EYS: variants seen among roughly 807,000 people sequenced by gnomAD.
The protein encoded by EYS is protein eyes shut homolog.
In EYS, 250 loss-of-function variants were observed where a neutral mutation model predicts 282.1. The observed-to-expected ratio is 0.89, with a 90% CI of 0.80 to 0.98. The LOEUF (loss-of-function observed/expected upper bound fraction) is 0.98, where lower values mean the gene tolerates loss of function less well. Among genes scored for constraint, EYS ranks in the 50% least tolerant of loss-of-function variants. The pLI is 0.00. For synonymous variants in EYS, 1,355 were observed against 1,282.9 expected, an observed-to-expected ratio of 1.06 and a Z score of -1.20; for missense variants, 4,016 against 3,709.0, an observed-to-expected ratio of 1.08 and a Z score of -2.15.
chr6:64,458,881 A>G (rs1037421503), intron 26 of EYS, among the ~76,000 whole-genome samples: 13 of 152,296 alleles, frequency 8.5e-5, no homozygotes, highest in African/African-American at 3.1e-4. Flanking sequence ...ATCAAGGCAC[A>G]TATTTTTTAA....
intron 23 of EYS, among the ~76,000 whole-genome samples, chr6:64,622,290 A>G (rs778044378): frequency 1.3e-5 from 2 of 152,162 alleles, no homozygotes; most frequent in Non-Finnish European, 2.9e-5. Flanking sequence ...TGGCCCTGTC[A>G]TGACTGGACA....
chr6:63,961,635 T>G (rs1285709158), intron 35 of EYS, among the ~76,000 whole-genome samples: 2 of 152,196 alleles, frequency 1.3e-5, no homozygotes, highest in Non-Finnish European at 2.9e-5. Flanking sequence ...AAAGCCTGTT[T>G]GGTGGTCTCT....
chr6:64,451,258 G>A (rs1264148046), intron 26 of EYS, among the ~76,000 whole-genome samples: 2 of 152,136 alleles, frequency 1.3e-5, no homozygotes, highest in Admixed American at 6.5e-5. Flanking sequence ...AGAAAATCTA[G>A]AAGAAATGGA....
chr6:64,151,317 TTA>T (rs61575285), intron 31 of EYS, among the ~76,000 whole-genome samples: 5,183 of 51,972 alleles, frequency 0.1, 78 homozygotes, highest in Non-Finnish European at 0.12. Context: ...GTGTGTATAT[TTA>T]TATATATATA....
intron 36 of EYS, among the ~76,000 whole-genome samples, chr6:63,813,927 C>A (rs988096346): frequency 6.6e-6 from 1 of 152,188 alleles, no homozygotes; most frequent in East Asian, 1.9e-4. Context: ...AATTAATCTA[C>A]CCTTAGGCAG....
intron 12 of EYS, among the ~76,000 whole-genome samples, chr6:65,090,394 G>A (rs758568082): frequency 4.6e-5 from 7 of 152,122 alleles, no homozygotes; most frequent in East Asian, 1.9e-4. Flanking sequence ...CACCTGCCAT[G>A]CAGAACTGTG....
chr6:65,607,576 T>G (rs879649317), intron 2 of EYS, among the ~76,000 whole-genome samples: 1 of 151,958 alleles, frequency 6.6e-6, no homozygotes, highest in East Asian at 1.9e-4. Context: ...AAATAAATAC[T>G]TTTATTTTTA....
At chr6:65,215,763 T>C (rs1485919051) in intron 12 of EYS, among the ~76,000 whole-genome samples, 1 of 152,178 alleles carries the variant, frequency 6.6e-6, no homozygotes, top group African/African-American at 2.4e-5. Flanking sequence ...CTCTTTAGCA[T>C]TCAGCAACCA....
Position 64,912,386 on chromosome 6 carries a change from C to CATCCCATAGGCA in EYS, c.2641+97_2641+98insTGCCTATGGGAT, listed in dbSNP as rs1768026809. On this transcript the variant is annotated intron_variant, in intron 16 of 42. Transcript: ENST00000503581. Reference sequence around the variant, plus strand: ...TACCCACAATGTACATAGGATTTTTCCAACCCATTTTAGGAGGCCATCATC... The same window carrying CATCCCATAGGCA: ...TACCCACAATGTACATAGGATTTTTCATCCCATAGGCACAACCCATTTTAGGAGGCCATCATC... 5 of 1,085,608 alleles carry CATCCCATAGGCA rather than the reference C, an allele frequency of 4.6e-6. No homozygotes were observed. The East Asian group carries it at 1.3e-4, about 28-fold the overall frequency. The allele number at this position is 1,085,608 out of a possible 1,614,324, so 67.2% of individuals were successfully genotyped here.
intron 11 of EYS, 59 bp downstream of exon 11, chr6:65,334,917 ACTAT>A: frequency 6.8e-7 from 1 of 1,463,512 alleles, no homozygotes; most frequent in South Asian, 1.1e-5. Context: ...CAGTTCGATG[ACTAT>A]CAATTTAATT....
At chr6:65,384,320 A>G (rs1562140543) in intron 8 of EYS, 66 bp downstream of exon 8, 12 of 846,882 alleles carry the variant, frequency 1.4e-5, no homozygotes, top group Non-Finnish European at 1.8e-5. Context: ...CATTTGAAAT[A>G]TAGACTAACT....
At chr6:65,063,155 T>A (rs1390672008) in intron 12 of EYS, among the ~76,000 whole-genome samples, 1 of 151,962 alleles carries the variant, frequency 6.6e-6, no homozygotes, top group Non-Finnish European at 1.5e-5. Context: ...AAGAACTTAA[T>A]TTACATATTT....
chr6:65,107,484 C>G (rs79132341), intron 12 of EYS, among the ~76,000 whole-genome samples: 2 of 134,422 alleles, frequency 1.5e-5, no homozygotes, highest in Non-Finnish European at 3.1e-5. Context: ...CTTGGGGAAA[C>G]AAATGGCTGC....
intron 30 of EYS, among the ~76,000 whole-genome samples, chr6:64,250,119 T>A (rs1767158940): frequency 6.6e-6 from 1 of 152,236 alleles, no homozygotes; most frequent in African/African-American, 2.4e-5. Context: ...GTTCTAATAG[T>A]GTATCTTATA....
intron 40 of EYS, among the ~76,000 whole-genome samples, chr6:63,764,301 T>A (rs935275005): frequency 9.9e-5 from 15 of 151,968 alleles, no homozygotes; most frequent in African/African-American, 3.4e-4. Context: ...TTGTATAGGG[T>A]TCTCTAAAAT....
intron 12 of EYS, among the ~76,000 whole-genome samples, chr6:65,080,996 T>G (rs540537839): frequency 6.6e-6 from 1 of 152,058 alleles, no homozygotes; most frequent in African/African-American, 2.4e-5. Flanking sequence ...TCTCAGCAGG[T>G]AGAAATGCTC....
intron 12 of EYS, among the ~76,000 whole-genome samples, chr6:65,276,228 TC>T (rs1018085831): frequency 1.3e-5 from 2 of 152,076 alleles, no homozygotes; most frequent in African/African-American, 4.8e-5. Flanking sequence ...TAAATCAGTG[TC>T]CATAGATGAG....
At chr6:64,104,810 C>T (rs1173413441) in intron 31 of EYS, among the ~76,000 whole-genome samples, 1 of 149,506 alleles carries the variant, frequency 6.7e-6, no homozygotes, top group Admixed American at 6.7e-5. Context: ...TGCAGCATTC[C>T]CACTAATCCT....
intron 24 of EYS, among the ~76,000 whole-genome samples, chr6:64,614,736 A>G (rs1055695267): frequency 4.6e-5 from 7 of 152,108 alleles, no homozygotes; most frequent in African/African-American, 7.2e-5. Context: ...AAAATCATTC[A>G]ACCCCACACC....
Sources: gnomAD v4.1 joint callset for allele counts (sites outside exome capture counted in the v4.1 genomes callset) on GRCh38, gnomAD v4.1.1 for gene constraint, MANE v1.5 for transcripts, NCBI Gene and HGNC (gene_info 2026-07-23, HGNC 2026-07-21) for gene names.